The following SLC12A7 variants were observed in gnomAD, a reference collection of about 807,000 sequenced individuals.
SLC12A7 encodes K-Cl cotransporter 4.
Under a neutral mutation model 120.6 loss-of-function variants are expected in SLC12A7, and 100 were observed. The ratio of observed to expected loss-of-function variants is 0.83; its 90% CI spans 0.71 to 0.98. SLC12A7 has a LOEUF of 0.98. Among genes scored for constraint, SLC12A7 ranks in the 50% least tolerant of loss-of-function variants. SLC12A7 has a pLI of 0.00. For synonymous variants in SLC12A7, 760 were observed against 678.0 expected, an observed-to-expected ratio of 1.12 and a Z score of -1.88; for missense variants, 1,373 against 1,548.1, an observed-to-expected ratio of 0.89 and a Z score of 1.90.
At chr5:1,075,627 A>T in intron 14 of SLC12A7, 137 bp from the exon 15 acceptor site, 1 of 1,333,294 alleles carries the variant, frequency 7.5e-7, no homozygotes, top group South Asian at 1.5e-5. Context: ...ACGCCTGACG[A>T]CCATGGCTGT....
At chr5:1,122,318 G>A in the SLC12A7 span, among the ~76,000 whole-genome samples, 7 of 152,082 alleles carry the variant, frequency 4.6e-5, no homozygotes, top group Non-Finnish European at 8.8e-5. Context: ...ACCAGAATCC[G>A]GGCAGTGGGG....
chr5:1,075,758 A>G (rs2150832077), intron 14 of SLC12A7: 1 of 514,774 alleles, frequency 1.9e-6, no homozygotes, highest in Non-Finnish European at 3.4e-6. Flanking sequence ...TGCATGCAAC[A>G]AGGGGCTGAA....
At chr5:1,066,653 C>T (rs896686418) in intron 17 of SLC12A7, among the ~76,000 whole-genome samples, 7 of 152,190 alleles carry the variant, frequency 4.6e-5, no homozygotes, top group African/African-American at 1.4e-4. Context: ...GAGAGAGCAT[C>T]CTGGGTCAGA....
At chr5:1,123,555 C>T in the SLC12A7 span, among the ~76,000 whole-genome samples, 85 of 152,352 alleles carry the variant, frequency 5.6e-4, no homozygotes, top group African/African-American at 1.5e-3. Context: ...CTGGCCCCGC[C>T]GGCCCACTGA....
At chr5:1,089,241 G>A in intron 3 of SLC12A7, 113 bp from the exon 4 acceptor site, 7 of 1,174,498 alleles carry the variant, frequency 6.0e-6, no homozygotes, top group Admixed American at 2.3e-5. Flanking sequence ...GGGCAGGAGG[G>A]GGCAGGAGTC....
At chr5:1,154,354 AACACACACACACAC>A in the SLC12A7 span, among the ~76,000 whole-genome samples, 8 of 141,810 alleles carry the variant, frequency 5.6e-5, 1 homozygote, top group African/African-American at 1.3e-4. Flanking sequence ...TGGTGTCCGC[AACACACACACACAC>A]ACACACACAC....
chr5:1,091,836 T>C (rs994106175), intron 3 of SLC12A7, among the ~76,000 whole-genome samples: 1 of 152,122 alleles, frequency 6.6e-6, no homozygotes, highest in African/African-American at 2.4e-5. Flanking sequence ...AGAAAGGTGC[T>C]GAGTGCTGAG....
chr5:1,143,214 A>G, the SLC12A7 span, among the ~76,000 whole-genome samples: 1 of 152,246 alleles, frequency 6.6e-6, no homozygotes, highest in South Asian at 2.1e-4. Flanking sequence ...CACCTCCCGC[A>G]GCGCTGGTGC....
In SLC12A7 at chr5:1,065,627, C is replaced by A. The variant is rs961729580; in HGVS notation, c.2242-149G>T. 8 of 616,664 alleles carry A rather than the reference C, an allele frequency of 1.3e-5. No individual in the cohort carries two copies. The African/African-American group carries it at 1.5e-4, about 11-fold the overall frequency. 38.2% of individuals were successfully genotyped at this position (616,664 alleles called of 1,614,324 possible). A position where few individuals can be genotyped will look rare whatever the true frequency, so the allele number is the denominator to read the frequency against. On this transcript the variant is annotated intron_variant, in intron 17 of 23. Coordinates refer to ENST00000264930, the MANE Select transcript of SLC12A7 (RefSeq NM_006598.3). ...GAAGGCTCAACGGTGTGCTGCGGTG[C>A]TCCCGGCCGCTGTGTGTGTATGTGT...
chr5:1,079,529 C>A (rs763908460), intron 9 of SLC12A7, 33 bp from the exon 10 acceptor site: 1 of 1,566,802 alleles, frequency 6.4e-7, no homozygotes, highest in Non-Finnish European at 8.8e-7. Context: ...AAAGACCCAT[C>A]TGAGGAGTCA....
chr5:1,081,204 C>T (rs374254601), intron 9 of SLC12A7, among the ~76,000 whole-genome samples: 5 of 152,262 alleles, frequency 3.3e-5, no homozygotes, highest in Admixed American at 1.3e-4. Context: ...TGGCTCAAGA[C>T]GTCTGTAATC....
the SLC12A7 span, among the ~76,000 whole-genome samples, chr5:1,130,325 G>A: frequency 6.6e-6 from 1 of 152,162 alleles, no homozygotes. Context: ...TCCTGTCTCC[G>A]CTCAACACCC....
the SLC12A7 span, among the ~76,000 whole-genome samples, chr5:1,130,553 G>A: frequency 4.6e-5 from 7 of 152,024 alleles, no homozygotes; most frequent in East Asian, 7.7e-4. Flanking sequence ...GGCTGCCCGC[G>A]CAGGTCCCCT....
In SLC12A7 at chr5:1,083,875, T is replaced by C. The variant is rs201355894; in HGVS notation, c.999A>G (p.Ser333=). ...AGAGGCCCCAGAGCGCGGAGGTGGC[T>C]GAGTTGTTGTGGATGCCGTAGGCCT... The part of the protein sequence containing the change: ...CVKAYGIHNN[S]ATSALWGLFC... The change falls in exon 8 of 24, where the codon TCA becomes TCG. Residue 333 remains serine (S), a synonymous_variant. Coordinates refer to ENST00000264930, the MANE Select transcript of SLC12A7 (RefSeq NM_006598.3). 198 of 1,608,196 alleles carry C rather than the reference T, an allele frequency of 1.2e-4. 3 individuals carry two copies. The South Asian group carries it at 1.9e-3, about 16-fold the overall frequency.
the SLC12A7 span, among the ~76,000 whole-genome samples, chr5:1,126,270 G>A: frequency 6.6e-6 from 1 of 152,052 alleles, no homozygotes; most frequent in African/African-American, 2.4e-5. Flanking sequence ...TATATTTTTA[G>A]TAGAGACAGG....
intron 23 of SLC12A7, among the ~76,000 whole-genome samples, chr5:1,052,714 G>A (rs117589613): frequency 0.014 from 2,078 of 152,240 alleles, 32 homozygotes; most frequent in East Asian, 0.044. Context: ...CACAGCCCAC[G>A]GTGCTGACCC....
At position 1,099,620 on chromosome 5, in the gene SLC12A7, C is replaced by T. The variant is rs185768200; in HGVS notation, c.125-5372G>A. On this transcript the variant is annotated intron_variant, in intron 1 of 23. Transcript: ENST00000264930. ...CCCTCCCTCCTCCCGAAGACGAACCCGTTTCTGACTTATCTCCACATTTAA... is the reference window on the plus strand; with the variant it reads ...CCCTCCCTCCTCCCGAAGACGAACCTGTTTCTGACTTATCTCCACATTTAA... 3.9e-5 allele frequency among the ~76,000 whole-genome samples: 6 copies of T among 152,340 alleles called. No individual in the cohort carries two copies. In the South Asian group the frequency reaches 6.2e-4, roughly 16 times the overall value.
Position 1,101,014 on chromosome 5 carries a change from C to G in SLC12A7, c.125-6766G>C, listed in dbSNP as rs575079844. On this transcript the variant is annotated intron_variant, in intron 1 of 23. Coordinates refer to ENST00000264930, the MANE Select transcript of SLC12A7 (RefSeq NM_006598.3). ...GCCCCGCACCCATGGCCAGCTCCCC[C>G]ACAGCTGTGTGCGCTGCCCTCCTGC... 2.0e-5 allele frequency among the ~76,000 whole-genome samples: 3 copies of G among 152,292 alleles called. No homozygotes were observed. The East Asian group carries it at 5.8e-4, about 29-fold the overall frequency.
rs1052175288 is a variant in SLC12A7, at chr5:1,088,963, C to G, written c.489+19G>C. 6.2e-7 allele frequency: 1 copy of G among 1,612,436 alleles called. No individual in the cohort carries two copies. Among genetic ancestry groups the G allele is most frequent in the African/African-American group, 1.3e-5 (1 of 75,054 alleles). Reference sequence around the variant, plus strand: ...CCACCGCCCGAAGGCACAGCCACACCTGGCCGGGGGAGACTCACACATGTG... The same window carrying G: ...CCACCGCCCGAAGGCACAGCCACACGTGGCCGGGGGAGACTCACACATGTG... On this transcript the variant is annotated intron_variant, in intron 4 of 23. Transcript: ENST00000264930.
Sources: allele counts gnomAD v4.1 joint callset (sites outside exome capture counted in the v4.1 genomes callset), GRCh38; gene constraint gnomAD v4.1.1; transcripts MANE v1.5; gene names NCBI Gene and HGNC (gene_info 2026-07-23, HGNC 2026-07-21).